RARA: variants seen among roughly 807,000 people sequenced by gnomAD.
The protein encoded by RARA is retinoic acid receptor alpha, also known as PML-DDX5-RARA fusion.
Under a neutral mutation model 42.8 loss-of-function variants are expected in RARA, and 5 were observed. The ratio of observed to expected loss-of-function variants is 0.12; its 90% CI spans 0.06 to 0.25. The LOEUF is 0.25. Among genes scored for constraint, RARA ranks in the 10% least tolerant of loss-of-function variants. RARA has a pLI of 1.00. For synonymous variants in RARA, 256 were observed against 259.5 expected, an observed-to-expected ratio of 0.99 and a Z score of 0.13; for missense variants, 402 against 628.7, an observed-to-expected ratio of 0.64 and a Z score of 3.86.
At chr17:40,339,853 C>T (rs1305774696) in intron 2 of RARA, among the ~76,000 whole-genome samples, 8 of 152,274 alleles carry the variant, frequency 5.3e-5, no homozygotes, top group African/African-American at 1.4e-4. Flanking sequence ...CAGCTGTGAG[C>T]GCAGAGCCTT....
rs1012225156 is a variant in RARA at position 40,354,071 on chromosome 17, T to C, written c.808-231T>C. 3.9e-5 allele frequency among the ~76,000 whole-genome samples: 6 copies of C among 152,310 alleles called. No individual in the cohort carries two copies. Among genetic ancestry groups the C allele is most frequent in the African/African-American group, 1.4e-4 (6 of 41,566 alleles). On this transcript the variant is annotated intron_variant, in intron 6 of 8. Transcript: ENST00000254066. This position sits in a 1 kb window ranked among gnomAD's most constrained non-coding sequence, Gnocchi z 4.5. ...TTAAAATTAAACTCAATTCAGTTCC[T>C]CAGTTGCATTAGCCACATTTCAAGT...
At chr17:40,335,814 G>A (rs993407809) in intron 2 of RARA, among the ~76,000 whole-genome samples, 1 of 152,102 alleles carries the variant, frequency 6.6e-6, no homozygotes, top group African/African-American at 2.4e-5. Flanking sequence ...GACAAGCCTG[G>A]ACAACATAGT....
In RARA at chr17:40,356,355, G is replaced by C; in HGVS notation, c.*129G>C. ...CCGGGCAGTACTGGGGACCTTCCCT[G>C]GGGGACGGGGAGGGAGGAGGCAGCG... On this transcript the variant is annotated 3_prime_UTR_variant, in exon 9 of 9. Coordinates refer to ENST00000254066, the MANE Select transcript of RARA (RefSeq NM_000964.4). 1 of 1,053,578 alleles carries C rather than the reference G, an allele frequency of 9.5e-7. No homozygotes were observed. The highest frequency in any genetic ancestry group is 1.4e-6 in the Non-Finnish European group (1 of 705,070). The allele number at this position is 1,053,578 out of a possible 1,614,324, so 65.3% of individuals were successfully genotyped here. A position where few individuals can be genotyped will look rare whatever the true frequency, so the allele number is the denominator to read the frequency against.
At chr17:40,311,567 C>G (rs1038661480) in intron 1 of RARA, among the ~76,000 whole-genome samples, 1 of 152,214 alleles carries the variant, frequency 6.6e-6, no homozygotes, top group South Asian at 2.1e-4. Flanking sequence ...CCTCATCTAG[C>G]CCCTTTGGCC....
chr17:40,356,046 G>T lies in RARA; in HGVS notation c.1209G>T (p.Pro403=), dbSNP rs751753990. The stretch of plus-strand genomic sequence containing the variant: ...TGATCACGCTGAAGATGGAGATCCC[G>T]GGCTCCATGCCGCCTCTCATCCAGG... ...ERVITLKMEI[P]GSMPPLIQEM... Residue 403 remains proline (P), a synonymous_variant, in exon 9 of 9, where the codon CCG becomes CCT. Transcript: ENST00000254066. The T allele has an allele frequency of 6.2e-7, 1 of 1,607,582 alleles. No homozygotes were observed. The highest frequency in any genetic ancestry group is 1.1e-5 in the South Asian group (1 of 89,970).
chr17:40,318,131 G>A (rs1420647201), intron 1 of RARA: 1 of 152,258 alleles, frequency 6.6e-6, no homozygotes, highest in Admixed American at 6.5e-5. Flanking sequence ...AGAGGCGGGG[G>A]CGGGCGTGAG....
At chr17:40,349,548 G>A in intron 3 of RARA, 1 of 512,008 alleles carries the variant, frequency 2.0e-6, no homozygotes, top group Non-Finnish European at 3.5e-6. Flanking sequence ...TGTGCTGTGG[G>A]TTGGGGGAAG....
chr17:40,335,835 C>T (rs2033828363), intron 2 of RARA, among the ~76,000 whole-genome samples: 1 of 151,918 alleles, frequency 6.6e-6, no homozygotes, highest in Admixed American at 6.6e-5. Context: ...GAGACCCTGC[C>T]TCTACCAAAG....
intron 1 of RARA, among the ~76,000 whole-genome samples, chr17:40,316,070 C>T (rs2033207792): frequency 6.6e-6 from 1 of 152,234 alleles, no homozygotes; most frequent in Non-Finnish European, 1.5e-5. Context: ...CCTGGTCCCC[C>T]ACCTGGGGAC....
In RARA at chr17:40,348,413, G is replaced by C; in HGVS notation, c.276G>C (p.Gln92His). The change falls in exon 3 of 9, where the codon CAG becomes CAC. Residue 92 changes from glutamine to histidine, a missense_variant. Coordinates refer to ENST00000254066, the MANE Select transcript of RARA (RefSeq NM_000964.4). ...TCTACAAGCCTTGCTTTGTCTGTCA[G>C]GACAAGTCCTCAGGCTACCACTATG... ...PRIYKPCFVCQDKSSGYHYGV... is the reference protein window; with the variant it reads ...PRIYKPCFVCHDKSSGYHYGV... 6.2e-7 allele frequency: 1 copy of C among 1,613,852 alleles called. No homozygotes were observed. Among genetic ancestry groups the C allele is most frequent in the South Asian group, 1.1e-5 (1 of 91,064 alleles).
At chr17:40,344,130 G>C (rs1392707227) in intron 2 of RARA, among the ~76,000 whole-genome samples, 4 of 151,838 alleles carry the variant, frequency 2.6e-5, no homozygotes, top group African/African-American at 9.7e-5. Context: ...ATTGGAGAAG[G>C]TTGAAGGGCA....
chr17:40,334,859 T>C (rs1261698813), intron 2 of RARA, among the ~76,000 whole-genome samples: 1 of 152,140 alleles, frequency 6.6e-6, no homozygotes, highest in African/African-American at 2.4e-5. Context: ...TAGTAGCCTA[T>C]GGGACCAACA....
At chr17:40,329,809 T>C (rs2033643099) in intron 1 of RARA, among the ~76,000 whole-genome samples, 2 of 152,222 alleles carry the variant, frequency 1.3e-5, no homozygotes, top group African/African-American at 4.8e-5. Context: ...TCTTTTGTCT[T>C]TCATATATGT....
chr17:40,352,583 C>G lies in RARA; in HGVS notation c.807+76C>G. On this transcript the variant is annotated intron_variant, in intron 6 of 8. Coordinates refer to ENST00000254066, the MANE Select transcript of RARA (RefSeq NM_000964.4). The surrounding 1 kb of genome is among the most constrained non-coding windows in gnomAD (Gnocchi z 4.9). ...ATGTCCTTCCAGCCAGACAGCCACC[C>G]TCCTAAATGTCTGTCTGCAATCAAC... 1 of 1,323,420 alleles carries G rather than the reference C, an allele frequency of 7.6e-7. No homozygotes were observed. Among genetic ancestry groups the G allele is most frequent in the Non-Finnish European group, 1.0e-6 (1 of 984,474 alleles). 82.0% of individuals were successfully genotyped at this position (1,323,420 alleles called of 1,614,324 possible). A position where few individuals can be genotyped will look rare whatever the true frequency, so the allele number is the denominator to read the frequency against.
intron 1 of RARA, among the ~76,000 whole-genome samples, chr17:40,319,958 G>C (rs563511581): frequency 6.6e-6 from 1 of 152,292 alleles, no homozygotes; most frequent in East Asian, 1.9e-4. Context: ...TGTGAAAAAT[G>C]GTATGCTGGA....
chr17:40,315,120 ATGCT>A lies in RARA; in HGVS notation c.-363+5836_-363+5839del, dbSNP rs1231221712. 1.7e-3 allele frequency among the ~76,000 whole-genome samples: 194 copies of A among 116,614 alleles called. 5 individuals carry two copies. Among genetic ancestry groups the A allele is most frequent in the African/African-American group, 5.3e-3 (150 of 28,374 alleles). 76.5% of individuals were successfully genotyped at this position (116,614 alleles called of 152,430 possible). A position where few individuals can be genotyped will look rare whatever the true frequency, so the allele number is the denominator to read the frequency against. ...TATATGTATATATATATATATATAT[ATGCT>A]TATATGTGTATATATATATATATAT... is the stretch of plus-strand genomic sequence containing the variant. On this transcript the variant is annotated intron_variant, in intron 1 of 8. Transcript: ENST00000254066.
In RARA at chr17:40,320,700, C is replaced by T. The variant is rs1346008122; in HGVS notation, c.-362-10157C>T. On this transcript the variant is annotated intron_variant, in intron 1 of 8. Coordinates refer to ENST00000254066, the MANE Select transcript of RARA (RefSeq NM_000964.4). This position sits in a 1 kb window ranked among gnomAD's most constrained non-coding sequence, Gnocchi z 4.1. Reference sequence around the variant, plus strand: ...GCCCAGTTTCCAGTCCTCTTGGAAGCATGGGCAGGACAGGACTTAGGCTAG... The same window carrying T: ...GCCCAGTTTCCAGTCCTCTTGGAAGTATGGGCAGGACAGGACTTAGGCTAG... Among the ~76,000 whole-genome samples, 1 of 152,188 alleles carries T rather than the reference C, an allele frequency of 6.6e-6. No individual in the cohort carries two copies. Among genetic ancestry groups the T allele is most frequent in the East Asian group, 1.9e-4 (1 of 5,196 alleles).
intron 6 of RARA, among the ~76,000 whole-genome samples, chr17:40,353,369 G>A (rs2034514907): frequency 6.6e-6 from 1 of 152,174 alleles, no homozygotes; most frequent in Admixed American, 6.5e-5. Flanking sequence ...TGCTGTCCCT[G>A]ACAAGGGCTC....
chr17:40,356,983 T>A lies in RARA; in HGVS notation c.*757T>A, dbSNP rs2034654072. 2.6e-6 allele frequency: 1 copy of A among 379,070 alleles called. No individual in the cohort carries two copies. Among genetic ancestry groups the A allele is most frequent in the African/African-American group, 2.1e-5 (1 of 47,306 alleles). The allele number at this position is 379,070 out of a possible 1,614,324, so 23.5% of individuals were successfully genotyped here. On this transcript the variant is annotated 3_prime_UTR_variant, in exon 9 of 9. Transcript: ENST00000254066. ...CTTTAAAACTGTGAAGTACTAACTT[T>A]CCAAGGCCTGCCTTCCCCTCCCTCC...
Sources: gnomAD v4.1 joint callset for allele counts (sites outside exome capture counted in the v4.1 genomes callset) on GRCh38, gnomAD v4.1.1 for gene constraint, Gnocchi (gnomAD v3.1) non-coding constraint, MANE v1.5 for transcripts, NCBI Gene and HGNC (gene_info 2026-07-23, HGNC 2026-07-21) for gene names.